Variants in ZNHIT6 observed in about 807,000 individuals in gnomAD.
The protein encoded by ZNHIT6 is box C/D snoRNA protein 1.
Under a neutral mutation model 57.2 loss-of-function variants are expected in ZNHIT6, and 45 were observed. The ratio of observed to expected loss-of-function variants is 0.79; its 90% CI spans 0.62 to 1.01. The LOEUF is 1.01. ZNHIT6 is among the 50% of genes least tolerant of loss of function. The pLI is 0.00. For missense variants in ZNHIT6, 528 were observed against 567.3 expected (o/e 0.93, Z 0.70); for synonymous variants, 188 against 190.0 (o/e 0.99, Z 0.09).
intron 4 of ZNHIT6, among the ~76,000 whole-genome samples, chr1:85,702,659 G>A (rs899167789): frequency 1.3e-5 from 2 of 152,202 alleles, no homozygotes; most frequent in South Asian, 4.2e-4. Context: ...TTTTACCGAT[G>A]GTTTTACCAG....
intron 5 of ZNHIT6, among the ~76,000 whole-genome samples, chr1:85,692,392 T>C (rs149816459): frequency 9.7e-4 from 148 of 152,386 alleles, no homozygotes; most frequent in African/African-American, 3.3e-3. Context: ...ACTGTCTGCA[T>C]GGCTGCAGTA....
intron 8 of ZNHIT6, among the ~76,000 whole-genome samples, chr1:85,675,248 G>A (rs1335194707): frequency 6.6e-6 from 1 of 152,184 alleles, no homozygotes; most frequent in Admixed American, 6.5e-5. Context: ...CAAAAAATAC[G>A]TCAAAGAAGT....
chr1:85,667,961 A>AAAAAAAAAAAAAAAATGTAT lies in ZNHIT6; in HGVS notation c.1247+9274_1247+9275insATACATTTTTTTTTTTTTTT. On this transcript the variant is annotated intron_variant, in intron 8 of 9. Coordinates refer to ENST00000370574, the MANE Select transcript of ZNHIT6 (RefSeq NM_017953.4). ...ACTCTCTCTTTCAAAAAAAAAAAAAAATATATATATATATATATATATATG... is the reference window on the plus strand; with the variant it reads ...ACTCTCTCTTTCAAAAAAAAAAAAAAAAAAAAAAAAAAAAATGTATATATATATATATATATATATATATG... 1.6e-4 allele frequency among the ~76,000 whole-genome samples: 3 copies of AAAAAAAAAAAAAAAATGTAT among 18,202 alleles called. 1 individual carries two copies. Among genetic ancestry groups the AAAAAAAAAAAAAAAATGTAT allele is most frequent in the African/African-American group, 6.4e-4 (3 of 4,712 alleles). The allele number at this position is 18,202 out of a possible 152,430, so 11.9% of individuals were successfully genotyped here. A position where few individuals can be genotyped will look rare whatever the true frequency, so the allele number is the denominator to read the frequency against.
At chr1:85,661,772 A>G (rs1268834834) in intron 8 of ZNHIT6, among the ~76,000 whole-genome samples, 2 of 152,158 alleles carry the variant, frequency 1.3e-5, no homozygotes, top group East Asian at 3.9e-4. Flanking sequence ...ATCTTTTTGA[A>G]ATTTTCACAA....
At chr1:85,679,995 CA>C (rs1186919074) in intron 6 of ZNHIT6, among the ~76,000 whole-genome samples, 6 of 152,168 alleles carry the variant, frequency 3.9e-5, no homozygotes, top group Non-Finnish European at 8.8e-5. Flanking sequence ...TGCTTGAGGC[CA>C]GGAGTTTGAG....
At chr1:85,662,834 A>G (rs941249747) in intron 8 of ZNHIT6, among the ~76,000 whole-genome samples, 2 of 152,206 alleles carry the variant, frequency 1.3e-5, no homozygotes, top group African/African-American at 4.8e-5. Context: ...CCAGTTCAGA[A>G]CTGCATTTGG....
intron 8 of ZNHIT6, among the ~76,000 whole-genome samples, chr1:85,660,539 T>C (rs1465877310): frequency 6.6e-6 from 1 of 152,166 alleles, no homozygotes; most frequent in Non-Finnish European, 1.5e-5. Flanking sequence ...GAGCCTAAAA[T>C]TATTGCTGAT....
chr1:85,705,002 C>A (rs940923174), intron 4 of ZNHIT6, among the ~76,000 whole-genome samples: 5 of 152,024 alleles, frequency 3.3e-5, no homozygotes, highest in African/African-American at 1.2e-4. Context: ...CAATCTAATC[C>A]CTTCCCAATA....
At position 85,665,498 on chromosome 1, in the gene ZNHIT6, A is replaced by T. The variant is rs1313070474; in HGVS notation, c.1248-7527T>A. 2.0e-5 allele frequency among the ~76,000 whole-genome samples: 3 copies of T among 152,070 alleles called. No individual in the cohort carries two copies. In the East Asian group the frequency reaches 5.8e-4, roughly 29 times the overall value. On this transcript the variant is annotated intron_variant, in intron 8 of 9. Transcript: ENST00000370574. ...AATCAAGCTAATTAACATATCCATC[A>T]CCTTACATAGCATTTTTTTCTTTTT...
At chr1:85,670,257 C>T (rs1488341859) in intron 8 of ZNHIT6, among the ~76,000 whole-genome samples, 19 of 152,190 alleles carry the variant, frequency 1.2e-4, no homozygotes, top group Admixed American at 1.1e-3. Context: ...CATGTCCATT[C>T]GTTTAAGTGG....
Position 85,653,853 on chromosome 1 carries a change from T to G in ZNHIT6, c.*205A>C. The G allele has an allele frequency of 3.7e-6, 2 of 546,086 alleles. No homozygotes were observed. Among genetic ancestry groups the G allele is most frequent in the Non-Finnish European group, 6.4e-6 (2 of 311,128 alleles). 33.8% of individuals were successfully genotyped at this position (546,086 alleles called of 1,614,324 possible). ...TATGCTGATCAAGTGCAAAGGAGAG[T>G]TCTTAATATGAATAAATGGGTCTTA... is the stretch of plus-strand genomic sequence containing the variant. On this transcript the variant is annotated 3_prime_UTR_variant, in exon 10 of 10. Coordinates refer to ENST00000370574, the MANE Select transcript of ZNHIT6 (RefSeq NM_017953.4).
chr1:85,694,553 C>G (rs1662309602), intron 5 of ZNHIT6, among the ~76,000 whole-genome samples: 1 of 152,134 alleles, frequency 6.6e-6, no homozygotes, highest in African/African-American at 2.4e-5. Flanking sequence ...GCTCCGCCTC[C>G]CAGGTTCACA....
intron 8 of ZNHIT6, among the ~76,000 whole-genome samples, chr1:85,666,673 T>C (rs1319363945): frequency 6.6e-6 from 1 of 152,188 alleles, no homozygotes; most frequent in Non-Finnish European, 1.5e-5. Context: ...TAACAATTCT[T>C]ATCATAAAAC....
intron 5 of ZNHIT6, 41 bp downstream of exon 5, chr1:85,702,116 C>G (rs781598602): frequency 1.5e-6 from 2 of 1,359,844 alleles, no homozygotes; most frequent in East Asian, 2.3e-5. Flanking sequence ...TGATCCTGAT[C>G]AAATCAGAAT....
chr1:85,685,041 A>T (rs1661988247), intron 5 of ZNHIT6, among the ~76,000 whole-genome samples: 1 of 152,188 alleles, frequency 6.6e-6, no homozygotes, highest in Non-Finnish European at 1.5e-5. Context: ...AGAAATACTA[A>T]GGAAGTGTGG....
At chr1:85,686,371 A>C (rs144675402) in intron 5 of ZNHIT6, among the ~76,000 whole-genome samples, 447 of 152,248 alleles carry the variant, frequency 2.9e-3, no homozygotes, top group Non-Finnish European at 4.8e-3. Flanking sequence ...TTTATCTTAG[A>C]AACTAGTACT....
At chr1:85,702,020 A>T (rs2100719216) in intron 5 of ZNHIT6, 137 bp downstream of exon 5, 1 of 614,760 alleles carries the variant, frequency 1.6e-6, no homozygotes, top group South Asian at 2.3e-5. Flanking sequence ...CAATTACTAC[A>T]GTTATCTTGT....
chr1:85,707,752 T>C lies in ZNHIT6; in HGVS notation c.533A>G (p.His178Arg). The C allele has an allele frequency of 6.2e-7, 1 of 1,614,148 alleles. No individual in the cohort carries two copies. The highest frequency in any genetic ancestry group is 8.5e-7 in the Non-Finnish European group (1 of 1,180,018). Residue 178 changes from histidine to arginine, a missense_variant, in exon 1 of 10, where the codon CAT (histidine) becomes CGT (arginine). His to Arg is a conservative substitution (Grantham distance 29). Coordinates refer to ENST00000370574, the MANE Select transcript of ZNHIT6 (RefSeq NM_017953.4). The stretch of plus-strand genomic sequence containing the variant: ...CTTCTCTTCTTTTACACACTCTCCA[T>C]GCATCAATTCCTCTTTTATGCATTG... ...VGQCIKEELM[H>R]GECVKEEKDF...
intron 5 of ZNHIT6, among the ~76,000 whole-genome samples, chr1:85,693,921 C>A (rs1662287347): frequency 6.6e-6 from 1 of 152,104 alleles, no homozygotes; most frequent in South Asian, 2.1e-4. Flanking sequence ...GAGTTCAAGA[C>A]TAGCCTGGGC....
Sources: allele counts gnomAD v4.1 joint callset (sites outside exome capture counted in the v4.1 genomes callset), GRCh38; gene constraint gnomAD v4.1.1; transcripts MANE v1.5; gene names NCBI Gene and HGNC (gene_info 2026-07-23, HGNC 2026-07-21).